The following FAM219A variants were observed in gnomAD, a reference collection of about 807,000 sequenced individuals.
FAM219A encodes the protein family with sequence similarity 219 member A, also known as protein FAM219A.
In FAM219A, 7 loss-of-function variants were observed where a neutral mutation model predicts 23.4. The ratio of observed to expected loss-of-function variants is 0.30; its 90% CI spans 0.17 to 0.56. FAM219A has a LOEUF of 0.56. Ranked by LOEUF, FAM219A falls within the 20% of genes least tolerant of loss-of-function variation. The pLI, the probability that FAM219A is intolerant of heterozygous loss-of-function variation, is 0.92. For missense variants in FAM219A, 166 were observed against 246.9 expected (o/e 0.67, Z 2.20); for synonymous variants, 93 against 99.0 (o/e 0.94, Z 0.36).
chr9:34,417,587 T>C lies in FAM219A; in HGVS notation c.61-11623A>G, dbSNP rs983032890. 6.6e-6 allele frequency among the ~76,000 whole-genome samples: 1 copy of C among 152,228 alleles called. No homozygotes were observed. Among genetic ancestry groups the C allele is most frequent in the Non-Finnish European group, 1.5e-5 (1 of 68,038 alleles). On this transcript the variant is annotated intron_variant, in intron 1 of 5. Transcript: ENST00000651358. This position sits in a 1 kb window ranked among gnomAD's most constrained non-coding sequence, Gnocchi z 4.1. ...ACATGAGTGCTTTTAAGTTTCTTGATAGATATTGCCAAAATGCTTTCCCAA... is the reference window on the plus strand; with the variant it reads ...ACATGAGTGCTTTTAAGTTTCTTGACAGATATTGCCAAAATGCTTTCCCAA...
intron 1 of FAM219A, among the ~76,000 whole-genome samples, chr9:34,427,726 A>G (rs1822538182): frequency 6.6e-6 from 1 of 152,200 alleles, no homozygotes; most frequent in South Asian, 2.1e-4. Flanking sequence ...ACCATGCTGG[A>G]GTCTTGTCTA....
chr9:34,416,808 A>G (rs1167247168), intron 1 of FAM219A, among the ~76,000 whole-genome samples: 1 of 113,646 alleles, frequency 8.8e-6, no homozygotes, highest in African/African-American at 3.4e-5. Context: ...TCAGCTCTCC[A>G]TTTTTTTTTT....
In FAM219A at chr9:34,402,857, T is replaced by C. The variant is rs767689880; in HGVS notation, c.161-50A>G. 1.0e-5 allele frequency: 16 copies of C among 1,566,748 alleles called. No homozygotes were observed. In the African/African-American group the frequency reaches 1.6e-4, roughly 16 times the overall value. On this transcript the variant is annotated intron_variant, in intron 2 of 5. Transcript: ENST00000651358. ...CTGTGTCCTGCCCCTGAGGCCACCC[T>C]GTCTTACTACTCAGGGCAGCCTGGG... is the stretch of plus-strand genomic sequence containing the variant.
intron 1 of FAM219A, among the ~76,000 whole-genome samples, chr9:34,423,027 G>A (rs1045346282): frequency 3.3e-5 from 5 of 152,120 alleles, no homozygotes; most frequent in African/African-American, 7.2e-5. Context: ...AAATTAGCCC[G>A]GCATGGTGGC....
chr9:34,433,109 C>T lies in FAM219A; in HGVS notation c.60+25095G>A, dbSNP rs576643446. Among the ~76,000 whole-genome samples the T allele has an allele frequency of 5.9e-5, 9 of 152,280 alleles. No homozygotes were observed. In the South Asian group the frequency reaches 1.7e-3, roughly 28 times the overall value. On this transcript the variant is annotated intron_variant, in intron 1 of 5. Coordinates refer to ENST00000651358, the MANE Select transcript of FAM219A (RefSeq NM_001184940.2). ...AATCCTTCTGAAAGAAATATTTGTC[C>T]TTTCTCCTCCATTTACTTATTTATT...
At chr9:34,402,894 C>G in intron 2 of FAM219A, 87 bp from the exon 3 acceptor site, 1 of 1,173,352 alleles carries the variant, frequency 8.5e-7, no homozygotes, top group Non-Finnish European at 1.2e-6. Context: ...TGGGCCTCCA[C>G]TGTGAAACCA....
chr9:34,405,946 T>C lies in FAM219A; in HGVS notation c.79A>G (p.Ile27Val), dbSNP rs146237621. 4.8e-5 allele frequency: 77 copies of C among 1,612,712 alleles called. 1 individual carries two copies. The Middle Eastern group carries it at 1.7e-3, about 35-fold the overall frequency. The change falls in exon 2 of 6, where the codon ATC (isoleucine) becomes GTC (valine). Residue 27 changes from isoleucine to valine, a missense_variant. Around this residue, in one of 3 missense-constraint regions of FAM219A, gnomAD observed 89 missense variants for 98.8 expected, o/e 0.90. Coordinates refer to ENST00000651358, the MANE Select transcript of FAM219A (RefSeq NM_001184940.2). ...CGGGCGTCACAGTCTCCGTCAGAGA[T>C]GGAGGCGGCGGCTGGGTCCTGTGGG... ...MQPLDPAAASISDGDCDAREG... is the reference protein window; with the variant it reads ...MQPLDPAAASVSDGDCDAREG...
intron 1 of FAM219A, among the ~76,000 whole-genome samples, chr9:34,447,307 A>G (rs1297986469): frequency 6.6e-6 from 1 of 152,230 alleles, no homozygotes. Flanking sequence ...AACAATAGGT[A>G]TGGTTATTAA....
At chr9:34,413,890 A>G (rs1425951796) in intron 1 of FAM219A, among the ~76,000 whole-genome samples, 1 of 152,212 alleles carries the variant, frequency 6.6e-6, no homozygotes, top group East Asian at 1.9e-4. Context: ...TGGGCACAGT[A>G]AAATAGAGCA....
chr9:34,420,522 A>T (rs1564005538), intron 1 of FAM219A, among the ~76,000 whole-genome samples: 1 of 152,022 alleles, frequency 6.6e-6, no homozygotes, highest in African/African-American at 2.4e-5. Context: ...CTTACTCCCC[A>T]CCTCATTTTG....
rs573238825 is a variant in FAM219A, at chr9:34,402,799, G to T, written c.169C>A (p.Arg57=). Residue 57 remains arginine, a synonymous_variant, in exon 3 of 6, where the codon CGG becomes AGG. Coordinates refer to ENST00000651358, the MANE Select transcript of FAM219A (RefSeq NM_001184940.2). ...SPLQVKLEKQ[R]ELARKGSLKN... is the part of the protein sequence containing the mutation. The stretch of plus-strand genomic sequence containing the variant: ...AGGGAGCCCTTCCGGGCCAGCTCCC[G>T]CTGCTTCTCTGCAGGAGAACATGGG... 46 of 1,613,982 alleles carry T rather than the reference G, an allele frequency of 2.9e-5. No homozygotes were observed. The East Asian group carries it at 8.7e-4, about 30-fold the overall frequency.
intron 1 of FAM219A, among the ~76,000 whole-genome samples, chr9:34,452,033 A>T (rs1245746461): frequency 6.6e-6 from 1 of 152,214 alleles, no homozygotes; most frequent in East Asian, 1.9e-4. Context: ...AGAAACTGCA[A>T]CATAAAGCAC....
intron 1 of FAM219A, among the ~76,000 whole-genome samples, chr9:34,421,041 A>AGAGAGAGAGAGG (rs1243922689): frequency 2.7e-5 from 4 of 150,200 alleles, no homozygotes; most frequent in African/African-American, 7.3e-5. Context: ...AGAGAGAGAG[A>AGAGAGAGAGAGG]GAGAATGGCT....
At chr9:34,421,369 A>T (rs1822276672) in intron 1 of FAM219A, among the ~76,000 whole-genome samples, 1 of 152,134 alleles carries the variant, frequency 6.6e-6, no homozygotes, top group Non-Finnish European at 1.5e-5. Flanking sequence ...GAGGCTAGCC[A>T]GTTGCTGGTT....
intron 1 of FAM219A, among the ~76,000 whole-genome samples, chr9:34,444,951 G>T (rs147387657): frequency 6.6e-6 from 1 of 152,160 alleles, no homozygotes; most frequent in African/African-American, 2.4e-5. Flanking sequence ...TACCATGTTT[G>T]CTTTATTCAT....
chr9:34,456,912 G>T (rs1005476326), intron 1 of FAM219A, among the ~76,000 whole-genome samples: 5 of 152,288 alleles, frequency 3.3e-5, no homozygotes, highest in Non-Finnish European at 7.4e-5. Flanking sequence ...TGACAAAAAG[G>T]TGGTGATGGG....
Position 34,444,727 on chromosome 9 carries a change from G to A in FAM219A, c.60+13477C>T, listed in dbSNP as rs540865735. Among the ~76,000 whole-genome samples the A allele has an allele frequency of 2.3e-3, 344 of 152,298 alleles. 1 individual carries two copies. The highest frequency in any genetic ancestry group is 3.5e-3 in the Non-Finnish European group (239 of 68,030). On this transcript the variant is annotated intron_variant, in intron 1 of 5. Transcript: ENST00000651358. Reference sequence around the variant, plus strand: ...GGGAGCCAGGAGCACGTCACTCCTTGTAAGAACAAAATCCTTCTCATCCTG... The same window carrying A: ...GGGAGCCAGGAGCACGTCACTCCTTATAAGAACAAAATCCTTCTCATCCTG...
chr9:34,448,964 C>T (rs1395499858), intron 1 of FAM219A, among the ~76,000 whole-genome samples: 1 of 140,810 alleles, frequency 7.1e-6, no homozygotes, highest in African/African-American at 2.8e-5. Context: ...TCCACATAAC[C>T]AAAAACCACC....
chr9:34,442,131 G>A (rs80230153), intron 1 of FAM219A, among the ~76,000 whole-genome samples: 3,546 of 152,230 alleles, frequency 0.023, 61 homozygotes, highest in Non-Finnish European at 0.036. Context: ...GTAAACTGTG[G>A]CATACACATC....
Sources: allele counts gnomAD v4.1 joint callset (sites outside exome capture counted in the v4.1 genomes callset), GRCh38; gene constraint gnomAD v4.1.1; regional missense constraint gnomAD v4.1.1; non-coding constraint Gnocchi (gnomAD v3.1); transcripts MANE v1.5; gene names NCBI Gene and HGNC (gene_info 2026-07-23, HGNC 2026-07-21).